C2CD5: variants seen among roughly 807,000 people sequenced by gnomAD.
C2CD5 encodes C2 calcium dependent domain containing 5, also known as C2 domain-containing protein 5.
C2CD5 carries 109 observed loss-of-function variants against 130.3 expected under a neutral mutation model. That is an observed-to-expected ratio of 0.84 (90% CI 0.72 to 0.98). The LOEUF is 0.98. C2CD5 is among the 50% of genes least tolerant of loss of function. C2CD5 has a pLI of 0.00. For synonymous variants in C2CD5, 454 were observed against 429.2 expected (o/e 1.06, Z -0.71); for missense variants, 996 against 1,261.8 (o/e 0.79, Z 3.19).
chr12:22,454,490 CT>C (rs1474247547), intron 25 of C2CD5, among the ~76,000 whole-genome samples: 3 of 152,028 alleles, frequency 2.0e-5, no homozygotes, highest in African/African-American at 7.2e-5. Flanking sequence ...TCAAACTTGC[CT>C]TTTTTTCAGT....
rs1943600180 is a variant in C2CD5 at position 22,474,838 on chromosome 12, T to A, written c.1956A>T (p.Ser652=). Residue 652 remains serine (S), a synonymous_variant, in exon 16 of 27, where the codon TCA becomes TCT. Coordinates refer to ENST00000446597, the MANE Select transcript of C2CD5 (RefSeq NM_001286176.2). ...TTTCTGATTGAGATCTTAGAAGTCT[T>A]GAGCGTTGCCTAGGTTCTGGGATGG... ...GSPIPEPRQR[S]RLLRSQSESS... The A allele has an allele frequency of 6.2e-7, 1 of 1,608,398 alleles. No homozygotes were observed. Among genetic ancestry groups the A allele is most frequent in the Non-Finnish European group, 8.5e-7 (1 of 1,176,058 alleles).
intron 7 of C2CD5, among the ~76,000 whole-genome samples, chr12:22,522,596 T>C (rs1950366850): frequency 6.6e-6 from 1 of 152,194 alleles, no homozygotes; most frequent in African/African-American, 2.4e-5. Flanking sequence ...CCTAAAGTAT[T>C]GGCCTTTCCC....
At chr12:22,543,381 G>A (rs1180897906) in intron 2 of C2CD5, among the ~76,000 whole-genome samples, 1 of 152,188 alleles carries the variant, frequency 6.6e-6, no homozygotes, top group East Asian at 1.9e-4. Context: ...CCTACCTCAA[G>A]GCGCTAAATT....
chr12:22,481,899 T>C (rs1336984710), intron 14 of C2CD5, among the ~76,000 whole-genome samples: 2 of 151,324 alleles, frequency 1.3e-5, no homozygotes, highest in Non-Finnish European at 2.9e-5. Flanking sequence ...CCCAAAGTGT[T>C]GGAATTATGG....
chr12:22,465,513 T>A (rs922417542), intron 22 of C2CD5, among the ~76,000 whole-genome samples: 5 of 152,094 alleles, frequency 3.3e-5, no homozygotes, highest in Non-Finnish European at 7.4e-5. Context: ...TTTAGATATT[T>A]CTCTGAAGTA....
chr12:22,462,932 A>T (rs1220927112), intron 22 of C2CD5, among the ~76,000 whole-genome samples: 1 of 151,484 alleles, frequency 6.6e-6, no homozygotes, highest in Non-Finnish European at 1.5e-5. Flanking sequence ...ACAAAAAAAG[A>T]TAAACATTAA....
At chr12:22,470,731 G>A in intron 21 of C2CD5, 93 bp downstream of exon 21, 4 of 720,112 alleles carry the variant, frequency 5.6e-6, no homozygotes, top group South Asian at 3.6e-5. Context: ...CAAGAAATAA[G>A]TAATTTATTG....
At chr12:22,484,533 G>T in intron 13 of C2CD5, 164 bp downstream of exon 13, 1 of 416,778 alleles carries the variant, frequency 2.4e-6, no homozygotes, top group Admixed American at 4.3e-5. Context: ...TTACACAGAG[G>T]GTTTTTTTTT....
intron 9 of C2CD5, among the ~76,000 whole-genome samples, chr12:22,511,675 C>T (rs1046938897): frequency 4.6e-5 from 7 of 152,132 alleles, no homozygotes; most frequent in Admixed American, 3.9e-4. Context: ...AAATTTTATC[C>T]AAACTAATTC....
chr12:22,462,987 G>A (rs2136074034), intron 22 of C2CD5, among the ~76,000 whole-genome samples: 1 of 152,228 alleles, frequency 6.6e-6, no homozygotes, highest in East Asian at 1.9e-4. Flanking sequence ...AGGAGGCTGA[G>A]GCGGGAGGAT....
intron 14 of C2CD5, among the ~76,000 whole-genome samples, chr12:22,478,972 G>A (rs370565372): frequency 1.8e-3 from 268 of 152,252 alleles, no homozygotes; most frequent in African/African-American, 6.1e-3. Context: ...GGTAATAAGC[G>A]TTGGTTTCTT....
intron 2 of C2CD5, among the ~76,000 whole-genome samples, chr12:22,536,907 T>C (rs976431625): frequency 1.3e-5 from 2 of 152,032 alleles, no homozygotes; most frequent in African/African-American, 4.8e-5. Flanking sequence ...AGAATAGAGG[T>C]TCTTGTTTAA....
intron 14 of C2CD5, 37 bp from the exon 15 acceptor site, chr12:22,478,514 A>G: frequency 6.4e-7 from 1 of 1,556,142 alleles, no homozygotes; most frequent in Non-Finnish European, 8.8e-7. Context: ...CAGAAAAAAT[A>G]TCTACAGAAT....
At chr12:22,449,916 G>A (rs112652337) in intron 26 of C2CD5, 25 bp from the exon 27 acceptor site, 4 of 1,587,112 alleles carry the variant, frequency 2.5e-6, no homozygotes, top group African/African-American at 1.3e-5. Context: ...AACAGGACAG[G>A]TTCAGTTATA....
chr12:22,504,231 C>T (rs920673808), intron 10 of C2CD5, among the ~76,000 whole-genome samples: 7 of 151,936 alleles, frequency 4.6e-5, no homozygotes, highest in African/African-American at 1.7e-4. Flanking sequence ...GTAAACTTCA[C>T]CTGTTCTCCC....
intron 9 of C2CD5, among the ~76,000 whole-genome samples, chr12:22,508,944 T>A (rs2136778326): frequency 6.6e-6 from 1 of 151,070 alleles, no homozygotes; most frequent in African/African-American, 2.4e-5. Context: ...TGGCGCAATC[T>A]CGGCTCACTG....
chr12:22,530,111 T>TATATACAC (rs1301636778), intron 3 of C2CD5, among the ~76,000 whole-genome samples: 23 of 87,546 alleles, frequency 2.6e-4, no homozygotes, highest in Non-Finnish European at 3.8e-4. Context: ...TATATATATA[T>TATATACAC]ACACACACAC....
chr12:22,541,453 T>C (rs1040445806), intron 2 of C2CD5, among the ~76,000 whole-genome samples: 8 of 152,230 alleles, frequency 5.3e-5, no homozygotes, highest in Admixed American at 5.2e-4. Flanking sequence ...CTCTTAATCA[T>C]GGCCTTAGTC....
chr12:22,518,258 G>C (rs1003631503), intron 7 of C2CD5, 121 bp from the exon 8 acceptor site: 13 of 910,848 alleles, frequency 1.4e-5, no homozygotes, highest in Non-Finnish European at 2.1e-5. Flanking sequence ...CTTACGTGTG[G>C]AGCTGGGAAT....
Sources: allele counts gnomAD v4.1 joint callset (sites outside exome capture counted in the v4.1 genomes callset), GRCh38; gene constraint gnomAD v4.1.1; transcripts MANE v1.5; gene names NCBI Gene and HGNC (gene_info 2026-07-23, HGNC 2026-07-21).